Variants in GAS7 observed in about 807,000 individuals in gnomAD.
GAS7 encodes the protein growth arrest-specific protein 7.
Under a neutral mutation model 71.1 loss-of-function variants are expected in GAS7, and 28 were observed. That is an observed-to-expected ratio of 0.39 (90% CI 0.29 to 0.54). GAS7 has a LOEUF of 0.54. Among genes scored for constraint, GAS7 ranks in the 20% least tolerant of loss-of-function variants. GAS7 has a pLI of 0.62. For missense variants in GAS7, 436 were observed against 627.8 expected (o/e 0.69, Z 3.27); for synonymous variants, 258 against 245.8 (o/e 1.05, Z -0.46).
intron 1 of GAS7, among the ~76,000 whole-genome samples, chr17:10,068,917 G>C (rs546643273): frequency 5.3e-5 from 8 of 152,206 alleles, no homozygotes; most frequent in African/African-American, 1.9e-4. Context: ...TCCTCCAGCA[G>C]TGAGTCCTGG....
Position 9,934,723 on chromosome 17 carries a change from A to T in GAS7, c.807-479T>A, listed in dbSNP as rs142616975. On this transcript the variant is annotated intron_variant, in intron 8 of 13. Transcript: ENST00000432992. ...GAAAACAGGTTCTATTCCAGGGAGA[A>T]GCTCTTTTCATTTGTTTATTAGTTT... Among the ~76,000 whole-genome samples the T allele has an allele frequency of 1.4e-4, 22 of 152,250 alleles. No homozygotes were observed. In the East Asian group the frequency reaches 4.1e-3, roughly 28 times the overall value.
intron 9 of GAS7, among the ~76,000 whole-genome samples, chr17:9,932,009 C>T (rs2068225148): frequency 1.3e-5 from 2 of 152,050 alleles, no homozygotes; most frequent in East Asian, 1.9e-4. Context: ...ACGTGGAAGT[C>T]CCAGGAAGGA....
intron 9 of GAS7, among the ~76,000 whole-genome samples, chr17:9,928,239 A>G (rs1311426930): frequency 1.3e-5 from 2 of 149,744 alleles, no homozygotes; most frequent in African/African-American, 2.5e-5. Flanking sequence ...CAGCCTCCCG[A>G]GTAGCTGGGA....
Position 9,969,814 on chromosome 17 carries a change from C to A in GAS7, c.386-52G>T, listed in dbSNP as rs540819964. Reference sequence around the variant, plus strand: ...TGCTGTGTGGGCCACAGATGGGCACCCCCGCCTTTCGTCCACTGCAGCCCC... The same window carrying A: ...TGCTGTGTGGGCCACAGATGGGCACACCCGCCTTTCGTCCACTGCAGCCCC... On this transcript the variant is annotated intron_variant, in intron 3 of 13. Transcript: ENST00000432992. This position sits in a 1 kb window ranked among gnomAD's most constrained non-coding sequence, Gnocchi z 5.5. The A allele has an allele frequency of 8.2e-7, 1 of 1,224,156 alleles. No homozygotes were observed. Among genetic ancestry groups the A allele is most frequent in the Non-Finnish European group, 1.2e-6 (1 of 825,782 alleles). 75.8% of individuals were successfully genotyped at this position (1,224,156 alleles called of 1,614,324 possible). A position where few individuals can be genotyped will look rare whatever the true frequency, so the allele number is the denominator to read the frequency against.
At chr17:10,032,101 G>A (rs1183780750) in intron 1 of GAS7, among the ~76,000 whole-genome samples, 3 of 147,920 alleles carry the variant, frequency 2.0e-5, no homozygotes, top group Non-Finnish European at 4.5e-5. Context: ...GGAGGGGTTG[G>A]GGAACCTCAG....
chr17:9,966,764 C>T (rs9907975), intron 4 of GAS7, among the ~76,000 whole-genome samples: 20,754 of 152,136 alleles, frequency 0.14, 1,821 homozygotes, highest in Middle Eastern at 0.24. Flanking sequence ...GAGGCTGAGG[C>T]GGGAGGATTG....
At chr17:10,129,503 A>G (rs2073979411) in intron 1 of GAS7, among the ~76,000 whole-genome samples, 1 of 152,312 alleles carries the variant, frequency 6.6e-6, no homozygotes, top group South Asian at 2.1e-4. Context: ...CCACTGCATT[A>G]CAGCCTGAGT....
At chr17:10,083,013 A>G (rs2073475003) in intron 1 of GAS7, among the ~76,000 whole-genome samples, 1 of 152,218 alleles carries the variant, frequency 6.6e-6, no homozygotes, top group Non-Finnish European at 1.5e-5. Context: ...CTGACTGCAA[A>G]GGGGCAAAGG....
In GAS7 at chr17:10,001,187, A is replaced by G. The variant is rs144027822; in HGVS notation, c.304+18590T>C. Reference sequence around the variant, plus strand: ...GGAAAGAGGGAAGAGGACACGAATAAAAACAGAAATCTGAGAAAGATCAAG... The same window carrying G: ...GGAAAGAGGGAAGAGGACACGAATAGAAACAGAAATCTGAGAAAGATCAAG... On this transcript the variant is annotated intron_variant, in intron 2 of 13. Transcript: ENST00000432992. Among the ~76,000 whole-genome samples, 5 of 152,284 alleles carry G rather than the reference A, an allele frequency of 3.3e-5. 1 individual carries two copies. The East Asian group carries it at 9.6e-4, about 29-fold the overall frequency.
chr17:9,995,623 A>G (rs2071012161), intron 2 of GAS7, among the ~76,000 whole-genome samples: 1 of 152,136 alleles, frequency 6.6e-6, no homozygotes, highest in Admixed American at 6.5e-5. Context: ...GTTTTCACCC[A>G]TGGGGAAAAT....
At chr17:10,018,352 A>G (rs1404048098) in intron 2 of GAS7, among the ~76,000 whole-genome samples, 1 of 152,196 alleles carries the variant, frequency 6.6e-6, no homozygotes. Flanking sequence ...TAACGGATCC[A>G]AATTATTCAT....
chr17:9,976,838 A>G (rs16959172), intron 3 of GAS7, among the ~76,000 whole-genome samples: 3,269 of 152,332 alleles, frequency 0.021, 127 homozygotes, highest in African/African-American at 0.074. Flanking sequence ...CGTAAGTTCA[A>G]TGCATATCCC....
intron 2 of GAS7, among the ~76,000 whole-genome samples, chr17:10,012,912 C>G (rs1412669002): frequency 6.6e-6 from 1 of 151,742 alleles, no homozygotes; most frequent in Non-Finnish European, 1.5e-5. Context: ...ACCATCCTGG[C>G]TAACACTGTG....
intron 1 of GAS7, among the ~76,000 whole-genome samples, chr17:10,097,421 C>T (rs532746059): frequency 2.0e-5 from 3 of 152,302 alleles, no homozygotes; most frequent in Non-Finnish European, 2.9e-5. Context: ...AGATCTTACA[C>T]ACAGCCACAT....
intron 1 of GAS7, among the ~76,000 whole-genome samples, chr17:10,104,586 C>T (rs186740618): frequency 1.3e-5 from 2 of 152,312 alleles, no homozygotes; most frequent in East Asian, 3.9e-4. Flanking sequence ...CAGGAGGAAT[C>T]TAACGAATCT....
rs117757083 is a variant in GAS7 at position 10,103,998 on chromosome 17, G to A, written c.184-84101C>T. Reference sequence around the variant, plus strand: ...AAAGGCAACTTACCTGCTTTCTACCGATCAGCACATAATACCTACCTTTAA... The same window carrying A: ...AAAGGCAACTTACCTGCTTTCTACCAATCAGCACATAATACCTACCTTTAA... On this transcript the variant is annotated intron_variant, in intron 1 of 13. Transcript: ENST00000432992. The surrounding 1 kb of genome is among the most constrained non-coding windows in gnomAD (Gnocchi z 5.5). 5.1e-3 allele frequency among the ~76,000 whole-genome samples: 779 copies of A among 152,110 alleles called. 6 individuals are homozygous for A. The highest frequency in any genetic ancestry group is 8.3e-3 in the Non-Finnish European group (561 of 67,998).
At chr17:9,990,910 G>C (rs1224861474) in intron 2 of GAS7, among the ~76,000 whole-genome samples, 2 of 152,152 alleles carry the variant, frequency 1.3e-5, no homozygotes, top group Non-Finnish European at 2.9e-5. Context: ...CTTACAGACA[G>C]ATGTTCAAAA....
intron 1 of GAS7, among the ~76,000 whole-genome samples, chr17:10,065,045 C>T (rs974796112): frequency 6.6e-6 from 1 of 152,164 alleles, no homozygotes; most frequent in Non-Finnish European, 1.5e-5. Flanking sequence ...TGGTCTCAAA[C>T]TCCTGGGCTC....
chr17:10,012,333 G>C (rs2071806540), intron 2 of GAS7, among the ~76,000 whole-genome samples: 1 of 152,154 alleles, frequency 6.6e-6, no homozygotes, highest in Non-Finnish European at 1.5e-5. Flanking sequence ...TGTCACCCAG[G>C]CTGGAGAGCA....
Sources: allele counts gnomAD v4.1 joint callset (sites outside exome capture counted in the v4.1 genomes callset), GRCh38; gene constraint gnomAD v4.1.1; non-coding constraint Gnocchi (gnomAD v3.1); transcripts MANE v1.5; gene names NCBI Gene and HGNC (gene_info 2026-07-23, HGNC 2026-07-21).